The following CLDN10 variants were observed in gnomAD, a reference collection of about 807,000 sequenced individuals.
CLDN10 encodes the protein claudin 10.
In CLDN10, 15 loss-of-function variants were observed where a neutral mutation model predicts 22.9. The observed-to-expected ratio is 0.65, with a 90% CI of 0.44 to 1.01. The LOEUF (loss-of-function observed/expected upper bound fraction) is 1.01. CLDN10 is among the 50% of genes least tolerant of loss of function. The pLI, the probability that CLDN10 is intolerant of heterozygous loss-of-function variation, is 0.00. For missense variants in CLDN10, 247 were observed against 287.8 expected, an observed-to-expected ratio of 0.86 and a Z score of 1.03; for synonymous variants, 114 against 111.4, an observed-to-expected ratio of 1.02 and a Z score of -0.15.
At chr13:95,574,086 T>C (rs1035156347) in intron 3 of CLDN10, among the ~76,000 whole-genome samples, 1 of 152,198 alleles carries the variant, frequency 6.6e-6, no homozygotes, top group African/African-American at 2.4e-5. Flanking sequence ...TTCCATGGTG[T>C]ATATGTGCCA....
intron 1 of CLDN10, among the ~76,000 whole-genome samples, chr13:95,516,376 A>T (rs968501180): frequency 6.6e-6 from 1 of 152,158 alleles, no homozygotes; most frequent in Non-Finnish European, 1.5e-5. Context: ...CTTGAGGCAG[A>T]ATGGATCCAC....
intron 1 of CLDN10, among the ~76,000 whole-genome samples, chr13:95,517,667 G>A (rs1034480805): frequency 1.3e-5 from 2 of 152,156 alleles, no homozygotes; most frequent in African/African-American, 4.8e-5. Context: ...CGGGCGCGGT[G>A]GCTCATGCCT....
At chr13:95,497,452 C>A (rs550851646) in intron 1 of CLDN10, among the ~76,000 whole-genome samples, 23 of 152,288 alleles carry the variant, frequency 1.5e-4, no homozygotes, top group African/African-American at 5.5e-4. Flanking sequence ...TCTGTGCCAA[C>A]CGCCACAGCC....
At chr13:95,441,132 G>A (rs2042320812) in intron 1 of CLDN10, among the ~76,000 whole-genome samples, 2 of 152,214 alleles carry the variant, frequency 1.3e-5, no homozygotes, top group Admixed American at 1.3e-4. Context: ...ATTGTTCATT[G>A]AGTTAAATTC....
At chr13:95,567,053 G>C (rs180999207) in intron 3 of CLDN10, among the ~76,000 whole-genome samples, 1 of 152,114 alleles carries the variant, frequency 6.6e-6, no homozygotes, top group Non-Finnish European at 1.5e-5. Flanking sequence ...GTCAGGTAGC[G>C]TGATGCCTCC....
chr13:95,474,328 G>A (rs1428836406), intron 1 of CLDN10, among the ~76,000 whole-genome samples: 1 of 152,166 alleles, frequency 6.6e-6, no homozygotes, highest in Admixed American at 6.5e-5. Flanking sequence ...CTGACAGGAG[G>A]CGGAGCTCAG....
At position 95,560,470 on chromosome 13, in the gene CLDN10, A is replaced by G. The variant is rs982641603; in HGVS notation, c.464+7A>G. 6.2e-7 allele frequency: 1 copy of G among 1,603,592 alleles called. No individual in the cohort carries two copies. The highest frequency in any genetic ancestry group is 1.3e-5 in the African/African-American group (1 of 74,690). ...CTCTCTTTGTTGAGCAAAAGTAAGT[A>G]CTCTTCTCAGTCTGTTTCCAGCTCA... On this transcript the variant is annotated splice_region_variant and intron_variant, in intron 3 of 4. Coordinates refer to ENST00000299339, the MANE Select transcript of CLDN10 (RefSeq NM_006984.5).
At chr13:95,504,536 C>T (rs369203412) in intron 1 of CLDN10, among the ~76,000 whole-genome samples, 9 of 152,160 alleles carry the variant, frequency 5.9e-5, no homozygotes, top group South Asian at 4.2e-4. Context: ...TGTGCCACCA[C>T]GCCCAGCTAA....
intron 1 of CLDN10, among the ~76,000 whole-genome samples, chr13:95,443,010 G>A (rs2042339228): frequency 1.3e-5 from 2 of 152,322 alleles, no homozygotes; most frequent in Admixed American, 6.5e-5. Context: ...TATACAGTGT[G>A]TTTTACGAAG....
intron 1 of CLDN10, among the ~76,000 whole-genome samples, chr13:95,515,984 G>A (rs1042836692): frequency 6.6e-6 from 1 of 151,904 alleles, no homozygotes; most frequent in Non-Finnish European, 1.5e-5. Context: ...TGAGGCAGGA[G>A]AATTGATTGA....
chr13:95,562,514 A>G (rs570095924), intron 3 of CLDN10, among the ~76,000 whole-genome samples: 10 of 152,348 alleles, frequency 6.6e-5, no homozygotes, highest in African/African-American at 2.4e-4. Flanking sequence ...CTAATTTATT[A>G]ATTTTCTCCT....
chr13:95,488,236 C>A (rs1256643089), intron 1 of CLDN10, among the ~76,000 whole-genome samples: 3 of 145,838 alleles, frequency 2.1e-5, no homozygotes, highest in Non-Finnish European at 4.5e-5. Context: ...GAGTGAGACC[C>A]CATCTCAAAA....
At chr13:95,481,020 C>G (rs1298914149) in intron 1 of CLDN10, among the ~76,000 whole-genome samples, 1 of 152,128 alleles carries the variant, frequency 6.6e-6, no homozygotes, top group Non-Finnish European at 1.5e-5. Context: ...GCTTCTTGAG[C>G]AAGAGGACAC....
At position 95,546,507 on chromosome 13, in the gene CLDN10, G is replaced by GA. The variant is rs549854218; in HGVS notation, c.215-13617dup. Among the ~76,000 whole-genome samples the GA allele has an allele frequency of 2.3e-3, 351 of 151,832 alleles. 1 individual carries two copies. Among genetic ancestry groups the GA allele is most frequent in the Admixed American group, 3.7e-3 (57 of 15,254 alleles). ...AATAAGAGAATGCCTACATTTTGAA[G>GA]AAAAAAAACTCTCAAAATGAAGCAC... On this transcript the variant is annotated intron_variant, in intron 1 of 4. Coordinates refer to the CLDN10 transcript ENST00000376873.
intron 1 of CLDN10, among the ~76,000 whole-genome samples, chr13:95,448,564 C>T (rs1326689875): frequency 2.6e-5 from 4 of 152,088 alleles, no homozygotes; most frequent in Non-Finnish European, 5.9e-5. Context: ...CTGGGGATGG[C>T]TGCTTACCCA....
intron 1 of CLDN10, among the ~76,000 whole-genome samples, chr13:95,505,749 C>CTTTTTTTTTTTTTTTT (rs34828390): frequency 9.6e-6 from 1 of 103,738 alleles, no homozygotes; most frequent in Non-Finnish European, 1.9e-5. Flanking sequence ...CCTTCCCTTT[C>CTTTTTTTTTTTTTTTT]TTTTTTTTTT....
At chr13:95,454,300 G>A (rs900128442) in intron 1 of CLDN10, among the ~76,000 whole-genome samples, 8 of 152,194 alleles carry the variant, frequency 5.3e-5, no homozygotes, top group Admixed American at 1.3e-4. Context: ...AAGTAGCCAG[G>A]TGTAGTAGTG....
intron 1 of CLDN10, among the ~76,000 whole-genome samples, chr13:95,445,275 C>T (rs773209731): frequency 6.6e-6 from 1 of 152,116 alleles, no homozygotes; most frequent in African/African-American, 2.4e-5. Flanking sequence ...GTGCACAGAG[C>T]GGGGGAGAAT....
chr13:95,551,515 C>A (rs193099066), upstream of CLDN10, among the ~76,000 whole-genome samples: 238 of 151,532 alleles, frequency 1.6e-3, 2 homozygotes, highest in Non-Finnish European at 6.5e-4. Flanking sequence ...TCACTGGGCA[C>A]CCATTTGGTT....
Sources: gnomAD v4.1 joint callset for allele counts (sites outside exome capture counted in the v4.1 genomes callset) on GRCh38, gnomAD v4.1.1 for gene constraint, MANE v1.5 for transcripts, NCBI Gene and HGNC (gene_info 2026-07-23, HGNC 2026-07-21) for gene names.